Variants in KCNQ3 observed in about 807,000 individuals in gnomAD.
The protein encoded by KCNQ3 is potassium voltage-gated channel subfamily KQT member 3.
KCNQ3 carries 30 observed loss-of-function variants against 92.5 expected under a neutral mutation model. The ratio of observed to expected loss-of-function variants is 0.32; its 90% CI spans 0.24 to 0.44. KCNQ3 has a LOEUF of 0.44. Ranked by LOEUF, KCNQ3 falls within the 20% of genes least tolerant of loss-of-function variation. The pLI is 1.00. For missense variants in KCNQ3, 913 were observed against 1,140.3 expected (o/e 0.80, Z 2.87); for synonymous variants, 450 against 468.8 (o/e 0.96, Z 0.52).
chr8:132,324,842 A>T (rs1407052572), intron 1 of KCNQ3, among the ~76,000 whole-genome samples: 2 of 152,188 alleles, frequency 1.3e-5, no homozygotes, highest in Non-Finnish European at 2.9e-5. Flanking sequence ...GGCGGTTGCC[A>T]TCATAATGTG....
intron 1 of KCNQ3, among the ~76,000 whole-genome samples, chr8:132,254,421 C>T (rs1815513024): frequency 1.3e-5 from 2 of 152,134 alleles, no homozygotes; most frequent in African/African-American, 2.4e-5. Context: ...TCAACCTGCA[C>T]CCTGAGGATG....
intron 1 of KCNQ3, among the ~76,000 whole-genome samples, chr8:132,308,368 G>A (rs542504787): frequency 6.6e-6 from 1 of 152,178 alleles, no homozygotes; most frequent in Non-Finnish European, 1.5e-5. Flanking sequence ...TACCATTAGA[G>A]AGGGATGGAT....
At chr8:132,471,352 A>G (rs1234111753) in intron 1 of KCNQ3, among the ~76,000 whole-genome samples, 1 of 152,132 alleles carries the variant, frequency 6.6e-6, no homozygotes, top group Non-Finnish European at 1.5e-5. Flanking sequence ...AACTTCTCTT[A>G]TTCATTTGTA....
chr8:132,183,018 G>A (rs1358037964), intron 3 of KCNQ3, among the ~76,000 whole-genome samples: 3 of 152,102 alleles, frequency 2.0e-5, no homozygotes, highest in African/African-American at 7.2e-5. Context: ...CTAGGAGTGG[G>A]CAAGACAATG....
chr8:132,334,062 A>C (rs995554703), intron 1 of KCNQ3, among the ~76,000 whole-genome samples: 1 of 152,126 alleles, frequency 6.6e-6, no homozygotes, highest in African/African-American at 2.4e-5. Flanking sequence ...TCCATCCAGG[A>C]CATGTACCAG....
intron 1 of KCNQ3, among the ~76,000 whole-genome samples, chr8:132,430,893 C>A (rs1273691189): frequency 2.0e-5 from 3 of 152,168 alleles, no homozygotes; most frequent in African/African-American, 7.2e-5. Flanking sequence ...TAAAAGGGGG[C>A]TCAATAGAGT....
At chr8:132,309,792 A>C (rs1411412526) in intron 1 of KCNQ3, among the ~76,000 whole-genome samples, 1 of 152,220 alleles carries the variant, frequency 6.6e-6, no homozygotes. Context: ...CCCCTCTGTG[A>C]GAGTTTGAAT....
At chr8:132,425,833 G>A (rs150090260) in intron 1 of KCNQ3, among the ~76,000 whole-genome samples, 1,770 of 152,304 alleles carry the variant, frequency 0.012, 15 homozygotes, top group Non-Finnish European at 0.02. Flanking sequence ...ATGAATCTGT[G>A]TTTTCCAGTC....
rs1265798780 is a variant in KCNQ3 at position 132,239,912 on chromosome 8, T to C, written c.387-53731A>G. Among the ~76,000 whole-genome samples the C allele has an allele frequency of 3.9e-5, 6 of 152,230 alleles. 1 individual carries two copies. Among genetic ancestry groups the C allele is most frequent in the Non-Finnish European group, 1.5e-5 (1 of 68,030 alleles). ...CTTTGACACAAAGTAGATAATCAAA[T>C]GTATGTCAGCTTTGCTATCTTCCAT... On this transcript the variant is annotated intron_variant, in intron 1 of 14. Transcript: ENST00000388996.
intron 1 of KCNQ3, among the ~76,000 whole-genome samples, chr8:132,396,932 T>C (rs1820206805): frequency 6.7e-6 from 1 of 150,328 alleles, no homozygotes; most frequent in Non-Finnish European, 1.5e-5. Flanking sequence ...GGGGATGGGA[T>C]AAAAATTGTG....
intron 1 of KCNQ3, among the ~76,000 whole-genome samples, chr8:132,208,572 A>G (rs1200114878): frequency 6.6e-6 from 1 of 152,160 alleles, no homozygotes; most frequent in Non-Finnish European, 1.5e-5. Flanking sequence ...AGAAAGTAAG[A>G]ACAGGCTGCA....
chr8:132,328,085 G>A (rs1818112690), intron 1 of KCNQ3, among the ~76,000 whole-genome samples: 1 of 152,158 alleles, frequency 6.6e-6, no homozygotes, highest in African/African-American at 2.4e-5. Flanking sequence ...GCTGGGCTGT[G>A]CCATGTTCAC....
At chr8:132,400,743 G>T (rs946657322) in intron 1 of KCNQ3, among the ~76,000 whole-genome samples, 5 of 152,366 alleles carry the variant, frequency 3.3e-5, no homozygotes, top group Non-Finnish European at 5.9e-5. Flanking sequence ...GAATCAGAGT[G>T]GTGAGGCCCT....
chr8:132,388,513 A>C (rs1468279358), intron 1 of KCNQ3, among the ~76,000 whole-genome samples: 1 of 152,194 alleles, frequency 6.6e-6, no homozygotes, highest in African/African-American at 2.4e-5. Flanking sequence ...CAATTAGAAA[A>C]AAAATAATAT....
intron 1 of KCNQ3, among the ~76,000 whole-genome samples, chr8:132,416,164 A>G (rs529635449): frequency 1.1e-4 from 17 of 152,290 alleles, no homozygotes; most frequent in African/African-American, 4.1e-4. Flanking sequence ...TGATGTTTGT[A>G]AGCAAAAAAT....
chr8:132,444,616 G>A lies in KCNQ3; in HGVS notation c.386+35531C>T, dbSNP rs533806946. On this transcript the variant is annotated intron_variant, in intron 1 of 14. Coordinates refer to ENST00000388996, the MANE Select transcript of KCNQ3 (RefSeq NM_004519.4). ...TACTTCATAGAGTTGTGCAAACTGA[G>A]CATGTTAAAATAAGCATAGCTCTAC... 2.0e-5 allele frequency among the ~76,000 whole-genome samples: 3 copies of A among 152,312 alleles called. No homozygotes were observed. The South Asian group carries it at 6.2e-4, about 32-fold the overall frequency.
At chr8:132,464,202 T>A (rs1179972928) in intron 1 of KCNQ3, among the ~76,000 whole-genome samples, 1 of 152,176 alleles carries the variant, frequency 6.6e-6, no homozygotes, top group Non-Finnish European at 1.5e-5. Flanking sequence ...TCACAGCCAC[T>A]TCATTTAATC....
At chr8:132,448,502 G>GAAAAAAAAAAAAAAAAAAAAAAGGGAAA in intron 1 of KCNQ3, among the ~76,000 whole-genome samples, 4 of 93,882 alleles carry the variant, frequency 4.3e-5, no homozygotes, top group Non-Finnish European at 6.2e-5. Flanking sequence ...GGAGAAATAT[G>GAAAAAAAAAAAAAAAAAAAAAAGGGAAA]AAAAAAAAAA....
chr8:132,231,664 G>A (rs2130375026), intron 1 of KCNQ3, among the ~76,000 whole-genome samples: 1 of 152,278 alleles, frequency 6.6e-6, no homozygotes, highest in African/African-American at 2.4e-5. Context: ...TGTGTATTTT[G>A]ATTTCCAGAC....
Sources: allele counts gnomAD v4.1 joint callset (sites outside exome capture counted in the v4.1 genomes callset), GRCh38; gene constraint gnomAD v4.1.1; transcripts MANE v1.5; gene names NCBI Gene and HGNC (gene_info 2026-07-23, HGNC 2026-07-21).